NBAS: variants seen among roughly 807,000 people sequenced by gnomAD.
The protein encoded by NBAS is NBAS subunit of NRZ tethering complex.
NBAS carries 219 observed loss-of-function variants against 302.5 expected under a neutral mutation model. The ratio of observed to expected loss-of-function variants is 0.72; its 90% CI spans 0.65 to 0.81. The LOEUF (loss-of-function observed/expected upper bound fraction) is 0.81. Ranked by LOEUF, NBAS falls within the 30% of genes least tolerant of loss-of-function variation. The probability of loss-of-function intolerance (pLI) is 0.00; values close to 1 mark genes in which losing one functional copy is unlikely to be tolerated. For missense variants in NBAS, 2,932 were observed against 2,841.6 expected, an observed-to-expected ratio of 1.03 and a Z score of -0.72; for synonymous variants, 1,118 against 1,021.6, an observed-to-expected ratio of 1.09 and a Z score of -1.80.
chr2:15,400,398 G>T (rs1558305375), intron 26 of NBAS, among the ~76,000 whole-genome samples: 1 of 152,120 alleles, frequency 6.6e-6, no homozygotes, highest in Non-Finnish European at 1.5e-5. Flanking sequence ...ATCACACCTA[G>T]TTCCGCAGTA....
At chr2:15,370,925 G>A (rs997987321) in intron 31 of NBAS, among the ~76,000 whole-genome samples, 57 of 152,298 alleles carry the variant, frequency 3.7e-4, no homozygotes, top group Admixed American at 3.5e-3. Context: ...GGACTGCAGG[G>A]AAGGCACGAT....
chr2:14,984,367 T>C, the NBAS span, among the ~76,000 whole-genome samples: 1 of 152,182 alleles, frequency 6.6e-6, no homozygotes, highest in South Asian at 2.1e-4. Context: ...CTTCGGCTAG[T>C]AGACTAGATC....
At chr2:15,123,995 G>C in the NBAS span, among the ~76,000 whole-genome samples, 2 of 152,302 alleles carry the variant, frequency 1.3e-5, no homozygotes, top group Non-Finnish European at 2.9e-5. Flanking sequence ...GGAAAGCTTG[G>C]AACTTCTTCG....
the NBAS span, among the ~76,000 whole-genome samples, chr2:15,074,098 T>C: frequency 6.6e-6 from 1 of 152,104 alleles, no homozygotes; most frequent in Admixed American, 6.5e-5. Context: ...TTGATGTTGG[T>C]TCAGGAATAG....
chr2:15,060,453 G>C, the NBAS span, among the ~76,000 whole-genome samples: 2 of 152,114 alleles, frequency 1.3e-5, no homozygotes, highest in Non-Finnish European at 2.9e-5. Flanking sequence ...ATTGAAACAA[G>C]GCAGAACACA....
At chr2:15,350,065 C>T (rs956000868) in intron 35 of NBAS, among the ~76,000 whole-genome samples, 7 of 152,054 alleles carry the variant, frequency 4.6e-5, no homozygotes, top group Non-Finnish European at 7.4e-5. Flanking sequence ...TGGGAATACA[C>T]ACGCATATTA....
At chr2:15,266,791 C>T (rs1669096235) in intron 44 of NBAS, among the ~76,000 whole-genome samples, 1 of 152,084 alleles carries the variant, frequency 6.6e-6, no homozygotes, top group African/African-American at 2.4e-5. Flanking sequence ...TACCGAGCCT[C>T]CTAGTTGTGA....
intron 10 of NBAS, among the ~76,000 whole-genome samples, chr2:15,509,447 T>G (rs1415846122): frequency 6.6e-6 from 1 of 152,200 alleles, no homozygotes; most frequent in Admixed American, 6.5e-5. Flanking sequence ...GTTCTACACA[T>G]ACAAACTGGT....
intron 11 of NBAS, among the ~76,000 whole-genome samples, chr2:15,494,224 A>T (rs2148620595): frequency 6.6e-6 from 1 of 152,320 alleles, no homozygotes; most frequent in East Asian, 1.9e-4. Context: ...TCATTTCAAC[A>T]GCTGAAATTT....
At chr2:15,305,282 C>A (rs932464348) in intron 40 of NBAS, among the ~76,000 whole-genome samples, 2 of 151,922 alleles carry the variant, frequency 1.3e-5, no homozygotes, top group East Asian at 1.9e-4. Context: ...GGGCTCTTCC[C>A]GCTTTGCTTG....
intron 14 of NBAS, among the ~76,000 whole-genome samples, chr2:15,474,913 C>A (rs1240705597): frequency 2.0e-5 from 3 of 152,092 alleles, no homozygotes; most frequent in Admixed American, 2.0e-4. Context: ...ATATAATTAT[C>A]AGGTCTTGTA....
chr2:15,439,137 TAC>T (rs1310257644), intron 21 of NBAS, among the ~76,000 whole-genome samples: 1 of 151,468 alleles, frequency 6.6e-6, no homozygotes, highest in Non-Finnish European at 1.5e-5. Context: ...CTACTAAAAA[TAC>T]ACACACAAAA....
In NBAS at chr2:15,232,498, C is replaced by G. The variant is rs1558459204; in HGVS notation, c.6160G>C (p.Asp2054His). The change falls in exon 47 of 52, where the codon GAC becomes CAC. Residue 2054 changes from aspartate (D) to histidine (H), a missense_variant. By Grantham distance (81) the Asp-to-His change is moderately conservative (BLOSUM62 -1). Coordinates refer to ENST00000281513, the MANE Select transcript of NBAS (RefSeq NM_015909.4). ...AGTGGGTCCCTTGGCCCACCAAGGTCAGCACTGCCACCACTGTGAAAAGAG... is the reference window on the plus strand; with the variant it reads ...AGTGGGTCCCTTGGCCCACCAAGGTGAGCACTGCCACCACTGTGAAAAGAG... Reference protein sequence around the residue: ...IISALSGGSADLGGPRDPLKV... With the variant: ...IISALSGGSAHLGGPRDPLKV... The G allele has an allele frequency of 6.2e-7, 1 of 1,613,628 alleles. No homozygotes were observed. The highest frequency in any genetic ancestry group is 8.5e-7 in the Non-Finnish European group (1 of 1,179,942).
intron 23 of NBAS, 65 bp downstream of exon 23, chr2:15,424,250 T>C (rs1677351197): frequency 2.0e-5 from 31 of 1,584,164 alleles, no homozygotes; most frequent in Middle Eastern, 1.7e-4. Context: ...CTCCGTGTAC[T>C]GAATCCTAAG....
Position 15,358,187 on chromosome 2 carries a change from G to A in NBAS, c.3818-1771C>T, listed in dbSNP as rs116500585. On this transcript the variant is annotated intron_variant, in intron 32 of 51. Transcript: ENST00000281513. ...CTTGCACACCCTACCACTCACCTGCGCTGCCCAGCCCAGCCGGCATACTTT... is the reference window on the plus strand; with the variant it reads ...CTTGCACACCCTACCACTCACCTGCACTGCCCAGCCCAGCCGGCATACTTT... Among the ~76,000 whole-genome samples, 1,305 of 151,974 alleles carry A rather than the reference G, an allele frequency of 8.6e-3. 16 individuals carry two copies. Among genetic ancestry groups the A allele is most frequent in the African/African-American group, 0.03 (1,230 of 41,446 alleles).
chr2:15,206,143 C>G (rs902434065), intron 48 of NBAS, among the ~76,000 whole-genome samples: 1 of 152,096 alleles, frequency 6.6e-6, no homozygotes, highest in Non-Finnish European at 1.5e-5. Flanking sequence ...ACAATGAAAT[C>G]CGGGCTGAGG....
chr2:14,883,637 T>G, the NBAS span, among the ~76,000 whole-genome samples: 1 of 152,174 alleles, frequency 6.6e-6, no homozygotes. Context: ...ACATCCATGC[T>G]GAATTGATCA....
At chr2:15,494,606 A>G (rs565592076) in intron 11 of NBAS, among the ~76,000 whole-genome samples, 1 of 152,310 alleles carries the variant, frequency 6.6e-6, no homozygotes, top group South Asian at 2.1e-4. Flanking sequence ...CTAGTACTTT[A>G]CCTAGTCTCA....
At chr2:15,424,265 C>T (rs1480675314) in intron 23 of NBAS, 50 bp downstream of exon 23, 4 of 1,606,946 alleles carry the variant, frequency 2.5e-6, no homozygotes, top group Non-Finnish European at 3.4e-6. Flanking sequence ...CCTAAGGATC[C>T]AAGGCAGTTC....
Sources: allele counts gnomAD v4.1 joint callset (sites outside exome capture counted in the v4.1 genomes callset), GRCh38; gene constraint gnomAD v4.1.1; transcripts MANE v1.5; gene names NCBI Gene and HGNC (gene_info 2026-07-23, HGNC 2026-07-21).